The following MCF2L variants were observed in gnomAD, a reference collection of about 807,000 sequenced individuals.
The protein encoded by MCF2L is guanine nucleotide exchange factor DBS.
In MCF2L, 97 loss-of-function variants were observed where a neutral mutation model predicts 153.4. The observed-to-expected ratio is 0.63, with a 90% CI of 0.54 to 0.75. The LOEUF is 0.75. MCF2L is among the 30% of genes least tolerant of loss of function. The pLI is 0.00. For synonymous variants in MCF2L, 659 were observed against 632.2 expected (o/e 1.04, Z -0.64); for missense variants, 1,347 against 1,495.2 (o/e 0.90, Z 1.64).
At chr13:113,044,861 G>T in intron 3 of MCF2L, 1 of 1,612,918 alleles carries the variant, frequency 6.2e-7, no homozygotes, top group South Asian at 1.1e-5. Context: ...ACCAGCACGG[G>T]CACCTCAGAT....
chr13:113,022,394 G>A (rs1031198137), intron 2 of MCF2L, among the ~76,000 whole-genome samples: 6 of 20,236 alleles, frequency 3.0e-4, no homozygotes, highest in Admixed American at 1.5e-3. Flanking sequence ...CACCCCCGCC[G>A]GCCAGGGGTC....
rs1476453785 is a variant in MCF2L, at chr13:112,907,462, G to A, written c.169+5091G>A. ...AGTCATGGCTTGGTGGAGAATCCTC[G>A]GTGTTTCCAGCATGGGTCAGTCGCG... On this transcript the variant is annotated intron_variant, in intron 2 of 29. Coordinates refer to the MCF2L transcript ENST00000375608. This position sits in a 1 kb window ranked among gnomAD's most constrained non-coding sequence, Gnocchi z 5.1. Among the ~76,000 whole-genome samples, 4 of 152,038 alleles carry A rather than the reference G, an allele frequency of 2.6e-5. No individual in the cohort carries two copies. The highest frequency in any genetic ancestry group is 4.8e-5 in the African/African-American group (2 of 41,400).
intron 26 of MCF2L, among the ~76,000 whole-genome samples, chr13:113,092,428 C>A (rs867926106): frequency 1.0e-4 from 15 of 143,146 alleles, no homozygotes; most frequent in African/African-American, 3.5e-4. Flanking sequence ...AGTGTGGTGT[C>A]GAAGCCGGGC....
chr13:113,002,032 G>T, intron 1 of MCF2L: 1 of 1,499,660 alleles, frequency 6.7e-7, no homozygotes, highest in Non-Finnish European at 8.9e-7. Flanking sequence ...GTGTTGTGGG[G>T]CGACAGTGCG....
At chr13:112,975,661 C>A (rs756593714) in intron 1 of MCF2L, among the ~76,000 whole-genome samples, 1 of 152,182 alleles carries the variant, frequency 6.6e-6, no homozygotes, top group Admixed American at 6.5e-5. Context: ...CTCAGGGAGC[C>A]GCTGCCGTGG....
rs1369126730 is a variant in MCF2L at position 113,081,297 on chromosome 13, G to A, written c.1875+18G>A. ...TCCTGGAGGTGAGGCTGGACTCGGGGAGGGCCGACTGCCACGGGGACTCCC... is the reference window on the plus strand; with the variant it reads ...TCCTGGAGGTGAGGCTGGACTCGGGAAGGGCCGACTGCCACGGGGACTCCC... On this transcript the variant is annotated intron_variant, in intron 16 of 29. Transcript: ENST00000535094. The A allele has an allele frequency of 1.9e-6, 3 of 1,571,822 alleles. No homozygotes were observed. The highest frequency in any genetic ancestry group is 2.3e-5 in the East Asian group (1 of 43,448).
Position 113,086,113 on chromosome 13 carries a change from A to G in MCF2L, c.2248-11A>G, listed in dbSNP as rs1249726538. On this transcript the variant is annotated splice_polypyrimidine_tract_variant and intron_variant, in intron 20 of 29. Transcript: ENST00000535094. ...TGTCCCGACGCGGTTGCCTCACCCC[A>G]TGCCCCTCAGGAAATGCTGAAATAC... 7 of 1,602,558 alleles carry G rather than the reference A, an allele frequency of 4.4e-6. No individual in the cohort carries two copies. In the Admixed American group the frequency reaches 1.0e-4, roughly 23 times the overall value.
chr13:112,899,814 G>A (rs753250454), intron 1 of MCF2L, among the ~76,000 whole-genome samples: 1 of 152,206 alleles, frequency 6.6e-6, no homozygotes, highest in Non-Finnish European at 1.5e-5. Flanking sequence ...GTGACGGGCC[G>A]CGCGTGCCAT....
At chr13:112,981,051 G>A (rs1329729879) in intron 1 of MCF2L, among the ~76,000 whole-genome samples, 8 of 151,532 alleles carry the variant, frequency 5.3e-5, no homozygotes, top group African/African-American at 1.9e-4. Context: ...TGTGCACTGG[G>A]GACCCTGACA....
At chr13:112,928,651 G>C (rs2081431836) in intron 2 of MCF2L, among the ~76,000 whole-genome samples, 1 of 152,324 alleles carries the variant, frequency 6.6e-6, no homozygotes, top group East Asian at 1.9e-4. Flanking sequence ...TGAATAGCTG[G>C]AGTGTGCACT....
rs568447495 is a variant in MCF2L at position 113,030,656 on chromosome 13, C to T, written c.278+5898C>T. 3.9e-5 allele frequency among the ~76,000 whole-genome samples: 6 copies of T among 152,334 alleles called. No homozygotes were observed. The South Asian group carries it at 1.0e-3, about 26-fold the overall frequency. Reference sequence around the variant, plus strand: ...GTCTGCCGACACAGGTGTGGGCCCTCGTTCGTCAGAGGGCAGGTTCGGATC... The same window carrying T: ...GTCTGCCGACACAGGTGTGGGCCCTTGTTCGTCAGAGGGCAGGTTCGGATC... On this transcript the variant is annotated intron_variant, in intron 3 of 29. Coordinates refer to ENST00000535094, the MANE Select transcript of MCF2L (RefSeq NM_001112732.3).
In MCF2L at chr13:113,089,751, C is replaced by T. The variant is rs372960296; in HGVS notation, c.2953+23C>T. The T allele has an allele frequency of 5.0e-6, 8 of 1,604,186 alleles. No individual in the cohort carries two copies. The African/African-American group carries it at 8.0e-5, about 16-fold the overall frequency. On this transcript the variant is annotated intron_variant, in intron 26 of 29. Coordinates refer to ENST00000535094, the MANE Select transcript of MCF2L (RefSeq NM_001112732.3). ...AAGGTGGGTATGTGCAGGGACCGGG[C>T]CTCACACGGAGGCCTCACACGGAGC... is the stretch of plus-strand genomic sequence containing the variant.
rs1254780233 is a variant in MCF2L, at chr13:113,087,559, G to A, written c.2595+103G>A. 3.5e-6 allele frequency: 4 copies of A among 1,145,514 alleles called. No individual in the cohort carries two copies. The East Asian group carries it at 7.7e-5, about 22-fold the overall frequency. The allele number at this position is 1,145,514 out of a possible 1,614,324, so 71.0% of individuals were successfully genotyped here. On this transcript the variant is annotated intron_variant, in intron 22 of 29. Coordinates refer to ENST00000535094, the MANE Select transcript of MCF2L (RefSeq NM_001112732.3). The stretch of plus-strand genomic sequence containing the variant: ...TGGCCACGCTGACACCCAGCTCTCA[G>A]CCTTAGGTGTAGGGGTGGGGTATTC...
At chr13:113,091,322 A>T in intron 26 of MCF2L, 1 of 747,536 alleles carries the variant, frequency 1.3e-6, no homozygotes, top group Non-Finnish European at 2.0e-6. Context: ...CTGCGGAGGC[A>T]GACACGCGGT....
At chr13:112,970,573 G>T (rs1380549666) in intron 1 of MCF2L, among the ~76,000 whole-genome samples, 1 of 152,112 alleles carries the variant, frequency 6.6e-6, no homozygotes, top group Non-Finnish European at 1.5e-5. Flanking sequence ...TGCAGGGTTT[G>T]AGTATGGTGA....
In MCF2L at chr13:113,099,705, T is replaced by G. The variant is rs1336943484; in HGVS notation, c.*2846T>G. On this transcript the variant is annotated 3_prime_UTR_variant, in exon 30 of 30. Coordinates refer to ENST00000535094, the MANE Select transcript of MCF2L (RefSeq NM_001112732.3). ...CTAATTTATAGAAAACCTAAGAAACTCCATATCAAATAAAAAATTTTAAAT... is the reference window on the plus strand; with the variant it reads ...CTAATTTATAGAAAACCTAAGAAACGCCATATCAAATAAAAAATTTTAAAT... 6.6e-6 allele frequency: 1 copy of G among 152,034 alleles called. No individual in the cohort carries two copies. The highest frequency in any genetic ancestry group is 1.5e-5 in the Non-Finnish European group (1 of 68,012). 9.4% of individuals were successfully genotyped at this position (152,034 alleles called of 1,614,324 possible).
At position 113,064,788 on chromosome 13, in the gene MCF2L, G is replaced by A. The variant is rs539878439; in HGVS notation, c.607-148G>A. The A allele has an allele frequency of 7.6e-6, 6 of 786,898 alleles. No individual in the cohort carries two copies. The highest frequency in any genetic ancestry group is 2.7e-5 in the East Asian group (1 of 37,438). The allele number at this position is 786,898 out of a possible 1,614,324, so 48.7% of individuals were successfully genotyped here. The stretch of plus-strand genomic sequence containing the variant: ...CTGAAGAGGTCAAGGAGGGCAGGAC[G>A]CTATGGGAGGGCGTTCACCGTCTTT... On this transcript the variant is annotated intron_variant, in intron 6 of 29. Coordinates refer to ENST00000535094, the MANE Select transcript of MCF2L (RefSeq NM_001112732.3). The surrounding 1 kb of genome is among the most constrained non-coding windows in gnomAD (Gnocchi z 6.0).
At chr13:113,023,965 C>T (rs1259125847) in intron 2 of MCF2L, among the ~76,000 whole-genome samples, 2 of 152,242 alleles carry the variant, frequency 1.3e-5, no homozygotes, top group Non-Finnish European at 2.9e-5. Flanking sequence ...AAGCTCACTT[C>T]CGCTGAGTCC....
intron 3 of MCF2L, chr13:113,043,414 T>C (rs2086623502): frequency 6.6e-6 from 1 of 152,270 alleles, no homozygotes; most frequent in Non-Finnish European, 1.5e-5. Flanking sequence ...CGGGATCAGC[T>C]CCCTGGCTTG....
Sources: allele counts gnomAD v4.1 joint callset (sites outside exome capture counted in the v4.1 genomes callset), GRCh38; gene constraint gnomAD v4.1.1; non-coding constraint Gnocchi (gnomAD v3.1); transcripts MANE v1.5; gene names NCBI Gene and HGNC (gene_info 2026-07-23, HGNC 2026-07-21).